LMX1A: variants seen among roughly 807,000 people sequenced by gnomAD.
LMX1A encodes LIM homeobox transcription factor 1 alpha.
Under a neutral mutation model 49.1 loss-of-function variants are expected in LMX1A, and 15 were observed. The observed-to-expected ratio is 0.31, with a 90% CI of 0.20 to 0.47. The LOEUF (loss-of-function observed/expected upper bound fraction) is 0.47. LMX1A is among the 20% of genes least tolerant of loss of function. The pLI is 1.00. For synonymous variants in LMX1A, 167 were observed against 185.7 expected, an observed-to-expected ratio of 0.90 and a Z score of 0.82; for missense variants, 372 against 475.8, an observed-to-expected ratio of 0.78 and a Z score of 2.03.
Position 165,268,199 on chromosome 1 carries a change from T to C in LMX1A, c.264-18559A>G, listed in dbSNP as rs114266736. On this transcript the variant is annotated intron_variant, in intron 3 of 8. Coordinates refer to ENST00000342310, the MANE Select transcript of LMX1A (RefSeq NM_177398.4). ...TCTAGGCAGAATTCTCAGAAACTCA[T>C]ATTGGAAAGAGCCTAAAGTCTGGAC... Among the ~76,000 whole-genome samples, 138 of 152,286 alleles carry C rather than the reference T, an allele frequency of 9.1e-4. 1 individual carries two copies. The highest frequency in any genetic ancestry group is 3.2e-3 in the African/African-American group (135 of 41,548).
At chr1:165,349,483 T>A (rs1256609375) in intron 3 of LMX1A, among the ~76,000 whole-genome samples, 1 of 152,226 alleles carries the variant, frequency 6.6e-6, no homozygotes, top group Non-Finnish European at 1.5e-5. Flanking sequence ...ATGGTACAGA[T>A]TCATCAATTG....
intron 4 of LMX1A, among the ~76,000 whole-genome samples, chr1:165,243,109 A>G (rs975795195): frequency 3.3e-5 from 5 of 152,152 alleles, no homozygotes; most frequent in African/African-American, 1.2e-4. Flanking sequence ...TAAGTGTACC[A>G]TGGTTATGTA....
intron 3 of LMX1A, among the ~76,000 whole-genome samples, chr1:165,276,529 C>A (rs894401543): frequency 6.6e-6 from 1 of 152,154 alleles, no homozygotes; most frequent in Non-Finnish European, 1.5e-5. Flanking sequence ...AGTGGCCCTA[C>A]AACCATATGC....
In LMX1A at chr1:165,355,813, GC is replaced by G. The variant is rs534500480; in HGVS notation, c.-22-233del. ...CAACACGTTATGTACTTAGGCCTCC[GC>G]CCCCCAACTGCGTTTCTCCTTCTCC... On this transcript the variant is annotated intron_variant, in intron 1 of 8. Coordinates refer to ENST00000342310, the MANE Select transcript of LMX1A (RefSeq NM_177398.4). The surrounding 1 kb of genome is among the most constrained non-coding windows in gnomAD (Gnocchi z 4.7). 3.8e-4 allele frequency: 191 copies of G among 498,172 alleles called. 3 individuals are homozygous for G. In the South Asian group the frequency reaches 5.5e-3, roughly 14 times the overall value. 30.9% of individuals were successfully genotyped at this position (498,172 alleles called of 1,614,324 possible). A position where few individuals can be genotyped will look rare whatever the true frequency, so the allele number is the denominator to read the frequency against.
intron 4 of LMX1A, among the ~76,000 whole-genome samples, chr1:165,219,987 C>A (rs1204677171): frequency 6.6e-6 from 1 of 152,032 alleles, no homozygotes; most frequent in Non-Finnish European, 1.5e-5. Context: ...CAAATGGTGA[C>A]CAGGAGTTGC....
At chr1:165,241,810 A>C (rs1652666097) in intron 4 of LMX1A, among the ~76,000 whole-genome samples, 1 of 152,252 alleles carries the variant, frequency 6.6e-6, no homozygotes, top group African/African-American at 2.4e-5. Flanking sequence ...CGAATTGAAA[A>C]AAACAGTTCC....
chr1:165,213,348 A>G, intron 5 of LMX1A: 1 of 314,236 alleles, frequency 3.2e-6, no homozygotes, highest in East Asian at 5.6e-5. Context: ...TCTACACCAC[A>G]ATGGACACCT....
At position 165,242,580 on chromosome 1, in the gene LMX1A, A is replaced by G. The variant is rs932184693; in HGVS notation, c.496+6828T>C. Among the ~76,000 whole-genome samples, 32 of 152,046 alleles carry G rather than the reference A, an allele frequency of 2.1e-4. 1 individual carries two copies. Among genetic ancestry groups the G allele is most frequent in the Admixed American group, 1.9e-3 (29 of 15,270 alleles). Reference sequence around the variant, plus strand: ...CTCAAGATTTTTCAGTGATTCCAAAAATGAAGAAAAAAGGAAGGCAATTTA... The same window carrying G: ...CTCAAGATTTTTCAGTGATTCCAAAGATGAAGAAAAAAGGAAGGCAATTTA... On this transcript the variant is annotated intron_variant, in intron 4 of 8. Coordinates refer to ENST00000342310, the MANE Select transcript of LMX1A (RefSeq NM_177398.4).
intron 3 of LMX1A, among the ~76,000 whole-genome samples, chr1:165,332,834 T>C (rs925725321): frequency 6.6e-6 from 1 of 152,192 alleles, no homozygotes; most frequent in Non-Finnish European, 1.5e-5. Flanking sequence ...CTATTTGCAT[T>C]TAAATTTTCA....
chr1:165,214,210 G>A (rs1026368767), intron 4 of LMX1A, among the ~76,000 whole-genome samples: 3 of 152,182 alleles, frequency 2.0e-5, no homozygotes, highest in South Asian at 4.1e-4. Flanking sequence ...GTGATAGTGA[G>A]TGAGTTCTCA....
In LMX1A at chr1:165,349,119, C is replaced by T. The variant is rs180905243; in HGVS notation, c.263+3957G>A. Among the ~76,000 whole-genome samples the T allele has an allele frequency of 1.1e-3, 166 of 152,314 alleles. 1 individual carries two copies. Among genetic ancestry groups the T allele is most frequent in the African/African-American group, 3.7e-3 (154 of 41,562 alleles). On this transcript the variant is annotated intron_variant, in intron 3 of 8. Transcript: ENST00000342310. Reference sequence around the variant, plus strand: ...CTTCATATGTGAGGGCAGAGGGCTCCGCCTGACCCACAGAGCCAGGCACAT... The same window carrying T: ...CTTCATATGTGAGGGCAGAGGGCTCTGCCTGACCCACAGAGCCAGGCACAT...
At chr1:165,334,518 A>G (rs1655843273) in intron 3 of LMX1A, among the ~76,000 whole-genome samples, 1 of 152,200 alleles carries the variant, frequency 6.6e-6, no homozygotes, top group Non-Finnish European at 1.5e-5. Context: ...ATACCCATCC[A>G]AGGTCACACA....
At chr1:165,220,791 G>A (rs74710465) in intron 4 of LMX1A, among the ~76,000 whole-genome samples, 128 of 152,134 alleles carry the variant, frequency 8.4e-4, no homozygotes, top group African/African-American at 3.0e-3. Flanking sequence ...CTCTTTCTAC[G>A]GGAAGGTGTG....
chr1:165,295,418 T>C (rs1165602450), intron 3 of LMX1A, among the ~76,000 whole-genome samples: 1 of 148,230 alleles, frequency 6.7e-6, no homozygotes, highest in Non-Finnish European at 1.5e-5. Flanking sequence ...TAATCAGATA[T>C]AAATTAAAAA....
At chr1:165,281,748 G>A (rs34727653) in intron 3 of LMX1A, among the ~76,000 whole-genome samples, 2,142 of 116,336 alleles carry the variant, frequency 0.018, 28 homozygotes, top group East Asian at 0.079. Context: ...GTGTGTGTAT[G>A]TGTGTGTGTG....
chr1:165,350,173 CAAAAAAA>C (rs60150264), intron 3 of LMX1A, among the ~76,000 whole-genome samples: 35 of 80,234 alleles, frequency 4.4e-4, no homozygotes, highest in East Asian at 2.1e-3. Context: ...AAAGATCCAC[CAAAAAAA>C]AAAAAAAAAA....
chr1:165,355,563 C>G lies in LMX1A; in HGVS notation c.-4G>C, dbSNP rs954137059. 6.2e-7 allele frequency: 1 copy of G among 1,613,208 alleles called. No homozygotes were observed. The highest frequency in any genetic ancestry group is 1.3e-5 in the African/African-American group (1 of 74,906). ...CCATCTTTAGGCCGTCCAGCATGTT[C>G]GGGCCGGGCCGGGAGGACCTGTAGA... is the stretch of plus-strand genomic sequence containing the variant. On this transcript the variant is annotated 5_prime_UTR_variant, in exon 2 of 9. Transcript: ENST00000342310. The surrounding 1 kb of genome is among the most constrained non-coding windows in gnomAD (Gnocchi z 4.7).
rs186807467 is a variant in LMX1A at position 165,204,006 on chromosome 1, G to C, written c.1023C>G (p.Asp341Glu). 8.1e-6 allele frequency: 13 copies of C among 1,614,122 alleles called. No homozygotes were observed. Among genetic ancestry groups the C allele is most frequent in the Non-Finnish European group, 1.1e-5 (13 of 1,180,008 alleles). The change falls in exon 9 of 9, where the codon GAC (aspartate) becomes GAG (glutamate). Residue 341 changes from aspartate to glutamate, a missense_variant. Asp to Glu is a conservative substitution (Grantham distance 45). Around this residue, in one of 3 missense-constraint regions of LMX1A, gnomAD observed 127 missense variants for 138.0 expected, o/e 0.92. Coordinates refer to ENST00000342310, the MANE Select transcript of LMX1A (RefSeq NM_177398.4). ...CACCCAGGTTACTGAGGGAGGTGTC[G>C]TCGCTATCCAGGTCATGGAAAAGGG... The part of the protein sequence containing the change: ...AEPLFHDLDS[D>E]DTSLSNLGDC...
intron 4 of LMX1A, among the ~76,000 whole-genome samples, chr1:165,236,337 C>T (rs1445961390): frequency 6.6e-6 from 1 of 151,914 alleles, no homozygotes; most frequent in Non-Finnish European, 1.5e-5. Flanking sequence ...TATCATAAAT[C>T]AATCAAACAA....
Sources: allele counts gnomAD v4.1 joint callset (sites outside exome capture counted in the v4.1 genomes callset), GRCh38; gene constraint gnomAD v4.1.1; regional missense constraint gnomAD v4.1.1; non-coding constraint Gnocchi (gnomAD v3.1); transcripts MANE v1.5; gene names NCBI Gene and HGNC (gene_info 2026-07-23, HGNC 2026-07-21).